RAI14: variants seen among roughly 807,000 people sequenced by gnomAD.
RAI14 encodes retinoic acid induced 14.
A neutral mutation model predicts 115.4 loss-of-function variants in RAI14; 45 were observed. That is an observed-to-expected ratio of 0.39 (90% CI 0.31 to 0.50). The LOEUF (loss-of-function observed/expected upper bound fraction) is 0.50. Among genes scored for constraint, RAI14 ranks in the 20% least tolerant of loss-of-function variants. RAI14 has a pLI of 0.85. For missense variants in RAI14, 939 were observed against 1,131.2 expected (o/e 0.83, Z 2.44); for synonymous variants, 371 against 415.4 (o/e 0.89, Z 1.30).
chr5:34,687,551 G>A, intron 2 of RAI14: 1 of 1,426,592 alleles, frequency 7.0e-7, no homozygotes, highest in Non-Finnish European at 9.2e-7. Context: ...GTCTCCCCCA[G>A]GAGAAGAGGG....
chr5:34,732,851 C>T (rs1042629420), intron 2 of RAI14, among the ~76,000 whole-genome samples: 5 of 150,634 alleles, frequency 3.3e-5, no homozygotes, highest in African/African-American at 9.8e-5. Context: ...AGGATTACTT[C>T]GAGGATTTTT....
chr5:34,751,111 A>G (rs1746956242), intron 2 of RAI14, among the ~76,000 whole-genome samples: 1 of 148,824 alleles, frequency 6.7e-6, no homozygotes, highest in Non-Finnish European at 1.5e-5. Context: ...TTAGCCTCCC[A>G]AAGTGCTGGC....
chr5:34,777,320 C>A (rs747967032), intron 3 of RAI14, among the ~76,000 whole-genome samples: 3 of 152,236 alleles, frequency 2.0e-5, no homozygotes, highest in African/African-American at 4.8e-5. Context: ...ACCATATACA[C>A]AATGGAATAC....
At position 34,803,714 on chromosome 5, in the gene RAI14, C is replaced by A; in HGVS notation, c.259C>A (p.His87Asn). ...VDVTAQDTTG[H>N]SALHLAAKNS... ...ATTATTTGAAAAAATCCATTTAGGA[C>A]ACAGCGCCTTACATCTCGCAGCCAA... Residue 87 changes from histidine to asparagine, a missense_variant and splice_region_variant, in exon 5 of 18, where the codon CAC (histidine) becomes AAC (asparagine). His to Asn is a moderately conservative substitution (Grantham distance 68). Transcript: ENST00000265109. The A allele has an allele frequency of 6.2e-7, 1 of 1,608,554 alleles. No individual in the cohort carries two copies. The highest frequency in any genetic ancestry group is 8.5e-7 in the Non-Finnish European group (1 of 1,177,304).
chr5:34,810,888 C>T, intron 7 of RAI14, 124 bp from the exon 8 acceptor site: 1 of 1,445,830 alleles, frequency 6.9e-7, no homozygotes, highest in Non-Finnish European at 9.4e-7. Flanking sequence ...CAGGTTGGAC[C>T]AGATACTAGA....
chr5:34,760,262 T>C (rs577431241), intron 3 of RAI14, among the ~76,000 whole-genome samples: 11 of 152,320 alleles, frequency 7.2e-5, no homozygotes, highest in Admixed American at 5.9e-4. Flanking sequence ...TTGGCCAGGA[T>C]GGTCTCGATC....
At chr5:34,798,858 C>A (rs557951633) in intron 4 of RAI14, among the ~76,000 whole-genome samples, 24 of 152,214 alleles carry the variant, frequency 1.6e-4, no homozygotes, top group African/African-American at 5.5e-4. Context: ...ATCCACAGCA[C>A]TTTGGGGCCA....
intron 3 of RAI14, among the ~76,000 whole-genome samples, chr5:34,780,114 A>C (rs949790898): frequency 1.3e-5 from 2 of 152,108 alleles, no homozygotes; most frequent in Admixed American, 1.3e-4. Flanking sequence ...CAAAAACAAG[A>C]AATGGGGAAA....
In RAI14 at chr5:34,821,012, T is replaced by C. The variant is rs555118107; in HGVS notation, c.995-720T>C. On this transcript the variant is annotated intron_variant, in intron 13 of 17. Coordinates refer to ENST00000265109, the MANE Select transcript of RAI14 (RefSeq NM_015577.3). The stretch of plus-strand genomic sequence containing the variant: ...AAAGAATGAAAGAATCAGCCGTGTG[T>C]TGAGAATGTAGAGGGTGTGATGGGA... 7.9e-5 allele frequency among the ~76,000 whole-genome samples: 12 copies of C among 152,214 alleles called. No homozygotes were observed. In the South Asian group the frequency reaches 1.2e-3, roughly 16 times the overall value.
chr5:34,741,813 G>A (rs949824247), intron 2 of RAI14, among the ~76,000 whole-genome samples: 2 of 152,146 alleles, frequency 1.3e-5, no homozygotes, highest in Non-Finnish European at 2.9e-5. Context: ...AAGTTGGCAT[G>A]GGAAGAGGGA....
intron 4 of RAI14, among the ~76,000 whole-genome samples, chr5:34,799,749 A>G (rs1237288186): frequency 1.4e-4 from 19 of 134,618 alleles, no homozygotes; most frequent in East Asian, 8.7e-4. Flanking sequence ...GTGCAGTGGC[A>G]CGATCTCGGC....
At chr5:34,744,298 C>T (rs72730559) in intron 2 of RAI14, among the ~76,000 whole-genome samples, 5,812 of 152,196 alleles carry the variant, frequency 0.038, 152 homozygotes, top group Middle Eastern at 0.068. Flanking sequence ...TCCGCAAAAG[C>T]TTGCTATTCA....
chr5:34,764,523 A>G (rs1308332501), intron 3 of RAI14, among the ~76,000 whole-genome samples: 1 of 148,530 alleles, frequency 6.7e-6, no homozygotes, highest in South Asian at 2.1e-4. Flanking sequence ...AGGCCCAGGA[A>G]GCACAGGTGA....
intron 2 of RAI14, among the ~76,000 whole-genome samples, chr5:34,692,241 C>T (rs1390688676): frequency 2.0e-5 from 3 of 150,606 alleles, no homozygotes; most frequent in African/African-American, 4.9e-5. Context: ...TCAGCCTGGG[C>T]GACAGAGCGA....
chr5:34,729,340 G>A (rs1444845188), intron 2 of RAI14, among the ~76,000 whole-genome samples: 6 of 152,118 alleles, frequency 3.9e-5, no homozygotes, highest in East Asian at 1.9e-4. Flanking sequence ...CAGAGCAAGT[G>A]CCTGTCTATA....
At chr5:34,708,610 A>T (rs1206496275) in intron 2 of RAI14, among the ~76,000 whole-genome samples, 1 of 152,258 alleles carries the variant, frequency 6.6e-6, no homozygotes, top group Non-Finnish European at 1.5e-5. Context: ...ACAACAAAAA[A>T]AAATTTTTAG....
At chr5:34,692,190 G>C (rs530435975) in intron 2 of RAI14, among the ~76,000 whole-genome samples, 45 of 152,184 alleles carry the variant, frequency 3.0e-4, no homozygotes, top group Middle Eastern at 6.8e-3. Context: ...TTGAACCCAG[G>C]GGGTGGAGGT....
intron 4 of RAI14, among the ~76,000 whole-genome samples, chr5:34,799,512 ACACACACACACACACACACACACACAC>A (rs1414570580): frequency 6.1e-5 from 5 of 81,778 alleles, no homozygotes; most frequent in African/African-American, 1.3e-4. Flanking sequence ...ACACACACAC[ACACACACACACACACACACACACACAC>A]AAAACCACCT....
intron 3 of RAI14, among the ~76,000 whole-genome samples, chr5:34,789,424 A>T (rs1752677158): frequency 6.6e-6 from 1 of 152,182 alleles, no homozygotes; most frequent in African/African-American, 2.4e-5. Flanking sequence ...GCTGCTGCCA[A>T]ACCCTGCTTT....
Sources: allele counts gnomAD v4.1 joint callset (sites outside exome capture counted in the v4.1 genomes callset), GRCh38; gene constraint gnomAD v4.1.1; transcripts MANE v1.5; gene names NCBI Gene and HGNC (gene_info 2026-07-23, HGNC 2026-07-21).